The following PTPRD variants were observed in gnomAD, a reference collection of about 807,000 sequenced individuals.
PTPRD encodes the protein receptor-type tyrosine-protein phosphatase delta.
PTPRD carries 34 observed loss-of-function variants against 214.5 expected under a neutral mutation model. The ratio of observed to expected loss-of-function variants is 0.16; its 90% CI spans 0.12 to 0.21. The LOEUF (loss-of-function observed/expected upper bound fraction) is 0.21. Among genes scored for constraint, PTPRD ranks in the 10% least tolerant of loss-of-function variants. The pLI, the probability that PTPRD is intolerant of heterozygous loss-of-function variation, is 1.00. For synonymous variants in PTPRD, 1,128 were observed against 845.7 expected (o/e 1.33, Z -5.79); for missense variants, 2,545 against 2,398.7 (o/e 1.06, Z -1.27).
chr9:9,321,620 C>G (rs950222562), intron 9 of PTPRD, among the ~76,000 whole-genome samples: 98 of 150,788 alleles, frequency 6.5e-4, no homozygotes, highest in African/African-American at 2.4e-3. Flanking sequence ...TTCCATAAAA[C>G]ACATTCTAAG....
intron 5 of PTPRD, among the ~76,000 whole-genome samples, chr9:9,894,758 G>A (rs1475582370): frequency 6.6e-6 from 1 of 151,936 alleles, no homozygotes; most frequent in Non-Finnish European, 1.5e-5. Flanking sequence ...GATTTAATTT[G>A]TTCTCAGTAT....
chr9:8,546,311 T>C (rs1259156556), intron 14 of PTPRD, among the ~76,000 whole-genome samples: 1 of 152,206 alleles, frequency 6.6e-6, no homozygotes, highest in Non-Finnish European at 1.5e-5. Flanking sequence ...ACATGTGTTT[T>C]GTTATAATTC....
chr9:8,568,210 G>C (rs921616961), intron 14 of PTPRD, among the ~76,000 whole-genome samples: 2 of 152,140 alleles, frequency 1.3e-5, no homozygotes, highest in Admixed American at 6.5e-5. Context: ...GAGATGCTAA[G>C]TTACATTTAA....
chr9:8,557,451 T>TACACATACAC (rs887383087), intron 14 of PTPRD, among the ~76,000 whole-genome samples: 11 of 135,364 alleles, frequency 8.1e-5, no homozygotes, highest in African/African-American at 3.9e-4. Context: ...TATATATATA[T>TACACATACAC]ATATATTTGG....
At position 8,350,754 on chromosome 9, in the gene PTPRD, CTGT is replaced by C. The variant is rs562179288; in HGVS notation, c.4662-8779_4662-8777del. Among the ~76,000 whole-genome samples the C allele has an allele frequency of 7.6e-4, 114 of 150,550 alleles. 1 individual carries two copies. The highest frequency in any genetic ancestry group is 3.1e-3 in the East Asian group (16 of 5,148). ...TTAATTTCTTTGACAAAATATTCAG[CTGT>C]CTAACTTTTATATATTACAAAATTA... On this transcript the variant is annotated intron_variant, in intron 39 of 45. Transcript: ENST00000381196.
chr9:9,014,687 G>A (rs967258535), intron 11 of PTPRD, among the ~76,000 whole-genome samples: 1 of 152,066 alleles, frequency 6.6e-6, no homozygotes, highest in Non-Finnish European at 1.5e-5. Context: ...TCTGAGGAAG[G>A]AGAAATCTAT....
chr9:10,204,280 A>G (rs1015943124), intron 3 of PTPRD, among the ~76,000 whole-genome samples: 2 of 152,190 alleles, frequency 1.3e-5, no homozygotes, highest in African/African-American at 4.8e-5. Flanking sequence ...GTGTTCTGAA[A>G]AAAAACAACT....
In PTPRD at chr9:8,486,602, G is replaced by C. The variant is rs942987804; in HGVS notation, c.2468-253C>G. ...AATTATCATTGAAACAACAGCTTAA[G>C]GGGATTTTTTTGACACCTGCACGTT... On this transcript the variant is annotated intron_variant, in intron 27 of 45. Coordinates refer to ENST00000381196, the MANE Select transcript of PTPRD (RefSeq NM_002839.4). 13 of 634,784 alleles carry C rather than the reference G, an allele frequency of 2.0e-5. No individual in the cohort carries two copies. The Admixed American group carries it at 2.4e-4, about 12-fold the overall frequency. The allele number at this position is 634,784 out of a possible 1,614,324, so 39.3% of individuals were successfully genotyped here.
intron 10 of PTPRD, among the ~76,000 whole-genome samples, chr9:9,129,697 G>A (rs182675807): frequency 1.3e-5 from 2 of 152,268 alleles, no homozygotes; most frequent in Admixed American, 1.3e-4. Context: ...AATTGTTTGA[G>A]TTAGTCACTA....
At chr9:10,169,862 C>T (rs1204899467) in intron 3 of PTPRD, among the ~76,000 whole-genome samples, 1 of 152,040 alleles carries the variant, frequency 6.6e-6, no homozygotes, top group Non-Finnish European at 1.5e-5. Flanking sequence ...TGCTAGTATG[C>T]TCAATAGAAG....
chr9:9,552,249 A>C (rs1451701004), intron 8 of PTPRD, among the ~76,000 whole-genome samples: 3 of 152,088 alleles, frequency 2.0e-5, no homozygotes, highest in Admixed American at 6.6e-5. Flanking sequence ...ACAAAACAGA[A>C]GGAAAGCAGT....
chr9:9,844,212 A>G (rs1449088657), intron 5 of PTPRD, among the ~76,000 whole-genome samples: 1 of 151,966 alleles, frequency 6.6e-6, no homozygotes, highest in Non-Finnish European at 1.5e-5. Context: ...CAAAGACTGA[A>G]TATATTCAAG....
chr9:9,276,117 T>C (rs141906120), intron 9 of PTPRD, among the ~76,000 whole-genome samples: 1 of 151,410 alleles, frequency 6.6e-6, no homozygotes, highest in East Asian at 2.0e-4. Flanking sequence ...TTTCAAGCCT[T>C]AAGTAAAGTC....
At chr9:8,568,249 T>C (rs1293893635) in intron 14 of PTPRD, among the ~76,000 whole-genome samples, 1 of 152,184 alleles carries the variant, frequency 6.6e-6, no homozygotes, top group African/African-American at 2.4e-5. Context: ...TAGGGAGTTA[T>C]TCTTTGGGTC....
At chr9:8,880,127 A>G (rs1041743675) in intron 11 of PTPRD, among the ~76,000 whole-genome samples, 9 of 152,198 alleles carry the variant, frequency 5.9e-5, no homozygotes, top group African/African-American at 1.9e-4. Flanking sequence ...TAGCTAAACC[A>G]TAAGAAACAA....
chr9:9,480,736 A>G (rs1345002770), intron 8 of PTPRD, among the ~76,000 whole-genome samples: 2 of 152,116 alleles, frequency 1.3e-5, no homozygotes, highest in African/African-American at 4.8e-5. Flanking sequence ...TTTATTTAGG[A>G]TGCAATAGTC....
chr9:8,838,232 A>G (rs118166073), intron 11 of PTPRD, among the ~76,000 whole-genome samples: 7 of 151,780 alleles, frequency 4.6e-5, no homozygotes, highest in East Asian at 1.9e-4. Context: ...CTTAAAACAC[A>G]TAACGACTTC....
chr9:8,703,969 C>G (rs185206887), intron 12 of PTPRD, among the ~76,000 whole-genome samples: 1 of 152,270 alleles, frequency 6.6e-6, no homozygotes, highest in South Asian at 2.1e-4. Context: ...GCTCTTAACA[C>G]AAATCTGGGA....
chr9:9,119,396 A>G (rs894794552), intron 10 of PTPRD, among the ~76,000 whole-genome samples: 15 of 152,184 alleles, frequency 9.9e-5, no homozygotes, highest in Non-Finnish European at 8.8e-5. Flanking sequence ...GGGTTGTGAT[A>G]TATTTACATG....
Sources: gnomAD v4.1 joint callset for allele counts (sites outside exome capture counted in the v4.1 genomes callset) on GRCh38, gnomAD v4.1.1 for gene constraint, MANE v1.5 for transcripts, NCBI Gene and HGNC (gene_info 2026-07-23, HGNC 2026-07-21) for gene names.